The following PAG1 variants were observed in gnomAD, a reference collection of about 807,000 sequenced individuals.
The protein encoded by PAG1 is phosphoprotein associated with glycosphingolipid-enriched microdomains 1.
Under a neutral mutation model 31.7 loss-of-function variants are expected in PAG1, and 23 were observed. The observed-to-expected ratio is 0.73, with a 90% CI of 0.52 to 1.03. PAG1 has a LOEUF of 1.03. PAG1 is among the 50% of genes least tolerant of loss of function. PAG1 has a pLI of 0.00. For synonymous variants in PAG1, 214 were observed against 210.3 expected (o/e 1.02, Z -0.15); for missense variants, 473 against 540.7 (o/e 0.87, Z 1.24).
Position 80,990,903 on chromosome 8 carries a change from G to A in PAG1, c.177+576C>T, listed in dbSNP as rs1037868170. Among the ~76,000 whole-genome samples the A allele has an allele frequency of 4.6e-5, 7 of 152,170 alleles. No individual in the cohort carries two copies. The highest frequency in any genetic ancestry group is 1.7e-4 in the African/African-American group (7 of 41,424). On this transcript the variant is annotated intron_variant, in intron 5 of 8. Coordinates refer to ENST00000220597, the MANE Select transcript of PAG1 (RefSeq NM_018440.4). The surrounding 1 kb of genome is among the most constrained non-coding windows in gnomAD (Gnocchi z 5.1). ...TTGCAGACGAAGCTAGTTAATATGA[G>A]GTCGTGCTACAGTAGGGTGGGCACT...
chr8:81,032,746 A>G (rs558285809), intron 2 of PAG1, among the ~76,000 whole-genome samples: 2 of 152,256 alleles, frequency 1.3e-5, no homozygotes, highest in Admixed American at 6.5e-5. Flanking sequence ...ATGAAACTAT[A>G]CGTCCACACA....
chr8:81,056,991 G>A (rs10957996), intron 2 of PAG1, among the ~76,000 whole-genome samples: 43,325 of 152,072 alleles, frequency 0.28, 8,298 homozygotes, highest in African/African-American at 0.55. Flanking sequence ...ACTGGCCATC[G>A]GAGAAATGCA....
chr8:80,992,384 G>C (rs1807569157), intron 4 of PAG1, among the ~76,000 whole-genome samples: 1 of 152,236 alleles, frequency 6.6e-6, no homozygotes, highest in South Asian at 2.1e-4. Context: ...GGGAGAGTTT[G>C]GACAGGGCTG....
intron 2 of PAG1, among the ~76,000 whole-genome samples, chr8:81,054,917 A>C (rs28690158): frequency 0.29 from 43,307 of 151,486 alleles, 8,280 homozygotes; most frequent in African/African-American, 0.55. Context: ...GAAGGGGGAA[A>C]CTTTTATCAC....
intron 1 of PAG1, among the ~76,000 whole-genome samples, chr8:81,089,142 CTTAA>C (rs1374652886): frequency 1.3e-5 from 2 of 152,176 alleles, no homozygotes; most frequent in African/African-American, 2.4e-5. Context: ...AGACAAAGGA[CTTAA>C]TTATTTATGG....
In PAG1 at chr8:80,984,947, T is replaced by A; in HGVS notation, c.705A>T (p.Lys235Asn). 6.2e-7 allele frequency: 1 copy of A among 1,614,162 alleles called. No individual in the cohort carries two copies. The highest frequency in any genetic ancestry group is 8.5e-7 in the Non-Finnish European group (1 of 1,180,006). ...TCTCTACATTAACACTTTGACGACA[T>A]TTTTTGTTTCTGTCCACCGAGGCAT... ...AEYASVDRNKKCRQSVNVESI... is the reference protein window; with the variant it reads ...AEYASVDRNKNCRQSVNVESI... The change falls in exon 7 of 9, where the codon AAA (lysine) becomes AAT (asparagine). Residue 235 changes from lysine to asparagine, a missense_variant. Lys to Asn is a moderately conservative substitution (Grantham distance 94, BLOSUM62 0). Transcript: ENST00000220597.
At chr8:81,020,179 T>A (rs969187650) in intron 3 of PAG1, among the ~76,000 whole-genome samples, 1 of 152,198 alleles carries the variant, frequency 6.6e-6, no homozygotes, top group Non-Finnish European at 1.5e-5. Flanking sequence ...TACAGGCTCA[T>A]AGATGGAAGG....
chr8:80,979,371 T>G (rs1586137289), intron 8 of PAG1, among the ~76,000 whole-genome samples: 1 of 151,984 alleles, frequency 6.6e-6, no homozygotes, highest in Non-Finnish European at 1.5e-5. Context: ...GCGGCCGCAG[T>G]GGGCTTGAGG....
chr8:81,043,919 T>A (rs1297540355), intron 2 of PAG1, among the ~76,000 whole-genome samples: 1 of 152,230 alleles, frequency 6.6e-6, no homozygotes, highest in Non-Finnish European at 1.5e-5. Context: ...TGATGGTAGT[T>A]CTCCCTGACT....
chr8:81,084,112 T>A (rs1009784182), intron 1 of PAG1, among the ~76,000 whole-genome samples: 10 of 152,124 alleles, frequency 6.6e-5, no homozygotes, highest in Admixed American at 4.6e-4. Context: ...CTCACTATTG[T>A]GTGTTGCTTG....
intron 3 of PAG1, among the ~76,000 whole-genome samples, chr8:81,027,945 G>A (rs1031301627): frequency 6.6e-6 from 1 of 150,788 alleles, no homozygotes; most frequent in African/African-American, 2.4e-5. Flanking sequence ...GGCCAAGATT[G>A]GGCAGCCATG....
At chr8:81,050,159 C>A (rs185838687) in intron 2 of PAG1, among the ~76,000 whole-genome samples, 2 of 152,116 alleles carry the variant, frequency 1.3e-5, no homozygotes, top group African/African-American at 2.4e-5. Flanking sequence ...AACTTAAACA[C>A]GTTTCATTGC....
chr8:81,076,801 T>C (rs1174806481), intron 1 of PAG1, among the ~76,000 whole-genome samples: 1 of 152,252 alleles, frequency 6.6e-6, no homozygotes, highest in Non-Finnish European at 1.5e-5. Flanking sequence ...CAATATTTAT[T>C]ACTGCCTCAA....
intron 7 of PAG1, 135 bp downstream of exon 7, chr8:80,984,641 T>G (rs1807375448): frequency 1.3e-6 from 1 of 789,004 alleles, no homozygotes; most frequent in African/African-American, 1.7e-5. Flanking sequence ...CAAACACAGC[T>G]TACATGAAAA....
At chr8:80,999,126 A>G (rs1807739814) in intron 3 of PAG1, among the ~76,000 whole-genome samples, 1 of 152,224 alleles carries the variant, frequency 6.6e-6, no homozygotes, top group Non-Finnish European at 1.5e-5. Flanking sequence ...GTTTTAAGCT[A>G]AAGTGTGCAA....
In PAG1 at chr8:81,106,246, A is replaced by G. The variant is rs6997999; in HGVS notation, c.-234+5345T>C. Among the ~76,000 whole-genome samples the G allele has an allele frequency of 9.9e-3, 1,502 of 152,184 alleles. 22 individuals carry two copies. The highest frequency in any genetic ancestry group is 0.034 in the African/African-American group (1,405 of 41,514). On this transcript the variant is annotated intron_variant, in intron 1 of 8. Transcript: ENST00000220597. ...TTTTTAGTAGAAACTGGGTTTCACC[A>G]TGTTGGCCAGGCTGGTCTCGAACCC...
chr8:80,984,919 T>C lies in PAG1; in HGVS notation c.733A>G (p.Ile245Val). 1 of 1,614,196 alleles carries C rather than the reference T, an allele frequency of 6.2e-7. No individual in the cohort carries two copies. The highest frequency in any genetic ancestry group is 8.5e-7 in the Non-Finnish European group (1 of 1,180,036). ...KCRQSVNVES[I>V]LGNSCDPEEE... ...TCTGGATCACATGAATTTCCAAGGA[T>C]ACTCTCTACATTAACACTTTGACGA... is the stretch of plus-strand genomic sequence containing the variant. The change falls in exon 7 of 9, where the codon ATC (isoleucine) becomes GTC (valine). Residue 245 changes from isoleucine (I) to valine (V), a missense_variant. By Grantham distance (29) the Ile-to-Val change is conservative. Transcript: ENST00000220597.
chr8:81,008,803 G>T (rs974244058), intron 3 of PAG1, among the ~76,000 whole-genome samples: 1 of 151,994 alleles, frequency 6.6e-6, no homozygotes, highest in Admixed American at 6.6e-5. Flanking sequence ...ACTGACATGA[G>T]CTCAGGACTC....
intron 1 of PAG1, among the ~76,000 whole-genome samples, chr8:81,096,282 T>C (rs186409911): frequency 1.4e-3 from 215 of 152,034 alleles, no homozygotes; most frequent in African/African-American, 5.1e-3. Flanking sequence ...GGTCCTTGCG[T>C]ATGGCCCTCT....
Sources: gnomAD v4.1 joint callset for allele counts (sites outside exome capture counted in the v4.1 genomes callset) on GRCh38, gnomAD v4.1.1 for gene constraint, Gnocchi (gnomAD v3.1) non-coding constraint, MANE v1.5 for transcripts, NCBI Gene and HGNC (gene_info 2026-07-23, HGNC 2026-07-21) for gene names.